HEATR6: variants seen among roughly 807,000 people sequenced by gnomAD.
The protein encoded by HEATR6 is HEAT repeat-containing protein 6.
In HEATR6, 106 loss-of-function variants were observed where a neutral mutation model predicts 132.8. The ratio of observed to expected loss-of-function variants is 0.80; its 90% CI spans 0.68 to 0.94. The LOEUF (loss-of-function observed/expected upper bound fraction) is 0.94. HEATR6 is among the 40% of genes least tolerant of loss of function. HEATR6 has a pLI of 0.00. For missense variants in HEATR6, 1,339 were observed against 1,425.1 expected, an observed-to-expected ratio of 0.94 and a Z score of 0.97; for synonymous variants, 529 against 537.8, an observed-to-expected ratio of 0.98 and a Z score of 0.23.
chr17:60,064,472 C>G (rs1266388740), intron 9 of HEATR6: 2 of 152,218 alleles, frequency 1.3e-5, no homozygotes, highest in Non-Finnish European at 2.9e-5. Context: ...TTATTTAAAC[C>G]CTTCCAAGCT....
At chr17:60,055,989 A>G in intron 13 of HEATR6, 126 bp downstream of exon 13, 1 of 1,157,156 alleles carries the variant, frequency 8.6e-7, no homozygotes, top group Admixed American at 2.7e-5. Context: ...TCTTTAAGAA[A>G]TCTCAGAATT....
At chr17:60,047,204 T>C (rs1906398253) in intron 18 of HEATR6, 105 bp downstream of exon 18, 1 of 692,088 alleles carries the variant, frequency 1.4e-6, no homozygotes, top group African/African-American at 1.8e-5. Flanking sequence ...GGAGTACATT[T>C]GGTGGGACAG....
intron 6 of HEATR6, among the ~76,000 whole-genome samples, chr17:60,070,399 G>A (rs989682748): frequency 2.6e-5 from 4 of 151,946 alleles, no homozygotes; most frequent in South Asian, 4.1e-4. Flanking sequence ...GAGAAGCACT[G>A]GCTCTTCTTG....
At chr17:60,067,131 G>T (rs1228171954) in intron 8 of HEATR6, among the ~76,000 whole-genome samples, 1 of 151,090 alleles carries the variant, frequency 6.6e-6, no homozygotes, top group East Asian at 1.9e-4. Flanking sequence ...TTAGCCGGGC[G>T]TAGTGGCGGG....
At chr17:60,049,808 T>C (rs535337837) in intron 15 of HEATR6, 106 bp from the exon 16 acceptor site, 1 of 1,250,946 alleles carries the variant, frequency 8.0e-7, no homozygotes. Context: ...TAATCAGGAG[T>C]TGAACACCAT....
At chr17:60,065,829 T>C (rs1251793365) in intron 9 of HEATR6, among the ~76,000 whole-genome samples, 1 of 152,260 alleles carries the variant, frequency 6.6e-6, no homozygotes, top group African/African-American at 2.4e-5. Flanking sequence ...ATAGCCATTA[T>C]GTACCATGAT....
chr17:60,045,309 G>A (rs1369818664), intron 19 of HEATR6, among the ~76,000 whole-genome samples: 1 of 152,196 alleles, frequency 6.6e-6, no homozygotes, highest in East Asian at 1.9e-4. Flanking sequence ...CCCCTCACTT[G>A]ATGTGTGCTC....
In HEATR6 at chr17:60,067,612, G is replaced by A. The variant is rs1444422896; in HGVS notation, c.1060C>T (p.His354Tyr). The A allele has an allele frequency of 1.2e-6, 2 of 1,612,750 alleles. No individual in the cohort carries two copies. Among genetic ancestry groups the A allele is most frequent in the South Asian group, 1.1e-5 (1 of 90,820 alleles). Residue 354 changes from histidine (H) to tyrosine (Y), a missense_variant, in exon 8 of 20, where the codon CAT (histidine) becomes TAT (tyrosine). Coordinates refer to ENST00000184956, the MANE Select transcript of HEATR6 (RefSeq NM_022070.5). ...GAGGGACACCAAGTGTTCCCTTCAT[G>A]CAGGTTCACTCTGCCTGTGCCAGTG... ...PVTGTGRVNL[H>Y]EGNTWCPSSL...
chr17:60,076,516 C>A lies in HEATR6; in HGVS notation c.220-279G>T, dbSNP rs2083297769. Reference sequence around the variant, plus strand: ...AGGAGTCCAAGACCAGCTTGGGCAACATAGTGAGACTCCATCTCTACAGAA... The same window carrying A: ...AGGAGTCCAAGACCAGCTTGGGCAAAATAGTGAGACTCCATCTCTACAGAA... On this transcript the variant is annotated intron_variant, in intron 1 of 19. Transcript: ENST00000184956. The A allele has an allele frequency of 9.6e-6, 3 of 313,252 alleles. No homozygotes were observed. In the East Asian group the frequency reaches 1.9e-4, roughly 20 times the overall value. The allele number at this position is 313,252 out of a possible 1,614,324, so 19.4% of individuals were successfully genotyped here.
intron 9 of HEATR6, among the ~76,000 whole-genome samples, chr17:60,065,530 T>C (rs896538704): frequency 6.6e-6 from 1 of 152,244 alleles, no homozygotes; most frequent in African/African-American, 2.4e-5. Flanking sequence ...TTTTCCTTAC[T>C]TGGTTAAGTG....
chr17:60,047,319 T>C lies in HEATR6; in HGVS notation c.2759A>G (p.Asp920Gly). The change falls in exon 18 of 20, where the codon GAT (aspartate) becomes GGT (glycine). Residue 920 changes from aspartate to glycine, a missense_variant. Physicochemically the swap from Asp to Gly is moderately conservative, Grantham distance 94. Transcript: ENST00000184956. Reference protein sequence around the residue: ...MLRSAIEASKDKDKVKSNAVR... With the variant: ...MLRSAIEASKGKDKVKSNAVR... ...TTGTTGTGAGTCTACCTTGTCTTTA[T>C]CCTTGGATGCTTCTATAGCTGATCG... 1 of 1,608,516 alleles carries C rather than the reference T, an allele frequency of 6.2e-7. No individual in the cohort carries two copies. The highest frequency in any genetic ancestry group is 8.5e-7 in the Non-Finnish European group (1 of 1,175,972).
Position 60,051,012 on chromosome 17 carries a change from G to A in HEATR6, c.2290-35C>T, listed in dbSNP as rs759736007. ...AGGCAAAGTAAAAGCTGCAGCCCAA[G>A]ACATAACAGGGGAACCAACTTGGAG... On this transcript the variant is annotated intron_variant, in intron 14 of 19. Transcript: ENST00000184956. The A allele has an allele frequency of 5.6e-6, 9 of 1,609,994 alleles. No homozygotes were observed. The East Asian group carries it at 2.0e-4, about 36-fold the overall frequency.
At chr17:60,077,974 G>A (rs1307017814) in intron 1 of HEATR6, among the ~76,000 whole-genome samples, 1 of 152,214 alleles carries the variant, frequency 6.6e-6, no homozygotes, top group African/African-American at 2.4e-5. Context: ...GGTGGATGAT[G>A]CATGTGTGTT....
chr17:60,069,034 T>A (rs1377814550), intron 7 of HEATR6, among the ~76,000 whole-genome samples: 1 of 152,216 alleles, frequency 6.6e-6, no homozygotes, highest in Non-Finnish European at 1.5e-5. Context: ...TAATTTCTAA[T>A]AAGAAGCACT....
At chr17:60,073,715 T>C in intron 3 of HEATR6, 31 bp downstream of exon 3, 1 of 1,607,444 alleles carries the variant, frequency 6.2e-7, no homozygotes, top group Non-Finnish European at 8.5e-7. Flanking sequence ...CTCCTGGCCT[T>C]TCAAAGGAAG....
intron 12 of HEATR6, 57 bp downstream of exon 12, chr17:60,056,991 A>C (rs1906763707): frequency 7.5e-7 from 1 of 1,325,560 alleles, no homozygotes; most frequent in Non-Finnish European, 1.0e-6. Flanking sequence ...CCTCACAGTC[A>C]CTCTGAAGGA....
At chr17:60,061,780 C>T (rs2083213088) in intron 9 of HEATR6, among the ~76,000 whole-genome samples, 1 of 152,224 alleles carries the variant, frequency 6.6e-6, no homozygotes, top group South Asian at 2.1e-4. Flanking sequence ...CCAGATTTGC[C>T]CTACGGGCCA....
In HEATR6 at chr17:60,044,087, C is replaced by A. The variant is rs201759921; in HGVS notation, c.3022G>T (p.Val1008Leu). 8.1e-6 allele frequency: 13 copies of A among 1,613,696 alleles called. No individual in the cohort carries two copies. Among genetic ancestry groups the A allele is most frequent in the Non-Finnish European group, 1.1e-5 (13 of 1,179,792 alleles). Residue 1008 changes from valine (V) to leucine (L), a missense_variant, in exon 20 of 20, where the codon GTG becomes TTG. By Grantham distance (32) the Val-to-Leu change is conservative (BLOSUM62 1). Transcript: ENST00000184956. ...SQAYNALTSV[V>L]TSCKNFKVRI... ...ACTTTGAAGTTCTTGCATGATGTCA[C>A]GACCGATGTCAGGGCATTGTAGGCC...
chr17:60,048,996 ATATATAT>A (rs1568608500), intron 16 of HEATR6, among the ~76,000 whole-genome samples: 3 of 133,196 alleles, frequency 2.3e-5, no homozygotes, highest in Admixed American at 2.2e-4. Flanking sequence ...ATATATATAT[ATATATAT>A]ATATATATAT....
Sources: allele counts gnomAD v4.1 joint callset (sites outside exome capture counted in the v4.1 genomes callset), GRCh38; gene constraint gnomAD v4.1.1; transcripts MANE v1.5; gene names NCBI Gene and HGNC (gene_info 2026-07-23, HGNC 2026-07-21).